The following MED12L variants were observed in gnomAD, a reference collection of about 807,000 sequenced individuals.
MED12L encodes the protein mediator of RNA polymerase II transcription subunit 12-like protein.
In MED12L, 60 loss-of-function variants were observed where a neutral mutation model predicts 281.3. That is an observed-to-expected ratio of 0.21 (90% CI 0.17 to 0.26). The LOEUF is 0.26. Among genes scored for constraint, MED12L ranks in the 10% least tolerant of loss-of-function variants. The probability of loss-of-function intolerance (pLI) is 1.00; values close to 1 mark genes in which losing one functional copy is unlikely to be tolerated. For missense variants in MED12L, 2,146 were observed against 2,680.9 expected (o/e 0.80, Z 4.41); for synonymous variants, 974 against 987.2 (o/e 0.99, Z 0.25).
rs1304824144 is a variant in MED12L at position 151,165,733 on chromosome 3, G to T, written c.1358-113G>T. 8 of 1,157,604 alleles carry T rather than the reference G, an allele frequency of 6.9e-6. No individual in the cohort carries two copies. In the East Asian group the frequency reaches 1.2e-4, roughly 17 times the overall value. The allele number at this position is 1,157,604 out of a possible 1,614,324, so 71.7% of individuals were successfully genotyped here. On this transcript the variant is annotated intron_variant, in intron 10 of 44. Transcript: ENST00000687756. ...ATGATTGTTTGATAACATATGCCAA[G>T]AATGATAATTAAAAAAAAATTCTTT...
At chr3:151,176,737 A>T (rs1722098519) in intron 11 of MED12L, among the ~76,000 whole-genome samples, 1 of 152,310 alleles carries the variant, frequency 6.6e-6, no homozygotes, top group East Asian at 1.9e-4. Flanking sequence ...TTTCAAAATG[A>T]TGCTAAGTGA....
rs559230455 is a variant in MED12L at position 151,418,178 on chromosome 3, C to A, written c.6408+1756C>A. On this transcript the variant is annotated intron_variant, in intron 43 of 44. Transcript: ENST00000687756. ...TTATTATTCTCTCTTTCACTCCCCC[C>A]ACCTACTGCCATTTAAACATACATG... Among the ~76,000 whole-genome samples, 5 of 152,298 alleles carry A rather than the reference C, an allele frequency of 3.3e-5. No individual in the cohort carries two copies. The East Asian group carries it at 7.7e-4, about 23-fold the overall frequency.
chr3:151,224,738 G>A (rs1416532871), intron 16 of MED12L, among the ~76,000 whole-genome samples: 4 of 152,258 alleles, frequency 2.6e-5, no homozygotes, highest in African/African-American at 9.6e-5. Flanking sequence ...CTCAGAAGCT[G>A]TCAGGGACCT....
chr3:151,397,018 T>G (rs1421068440), intron 39 of MED12L, among the ~76,000 whole-genome samples: 1 of 152,242 alleles, frequency 6.6e-6, no homozygotes, highest in Non-Finnish European at 1.5e-5. Context: ...TGTATCCTTT[T>G]GTACCACCGA....
chr3:151,203,692 T>C (rs1284069501), intron 16 of MED12L, among the ~76,000 whole-genome samples: 2 of 152,122 alleles, frequency 1.3e-5, no homozygotes, highest in African/African-American at 2.4e-5. Flanking sequence ...TTATTTTATG[T>C]TCATTATAGA....
At chr3:151,291,150 G>GTTTTTTTTTTTTTTTGTTTTT (rs1744203107) in intron 16 of MED12L, among the ~76,000 whole-genome samples, 1 of 127,556 alleles carries the variant, frequency 7.8e-6, no homozygotes, top group Admixed American at 7.8e-5. Flanking sequence ...CTTGTTTTCT[G>GTTTTTTTTTTTTTTTGTTTTT]TTTTTTTTTT....
At chr3:151,336,988 A>C (rs1281243386) in intron 16 of MED12L, 1 of 152,490 alleles carries the variant, frequency 6.6e-6, no homozygotes, top group Non-Finnish European at 1.5e-5. Context: ...CTAAGGTAAA[A>C]TGTTCATTAA....
chr3:151,379,391 G>A (rs766268027), intron 31 of MED12L, among the ~76,000 whole-genome samples: 6 of 152,168 alleles, frequency 3.9e-5, no homozygotes, highest in South Asian at 2.1e-4. Flanking sequence ...CCAACATGGC[G>A]CTTTGTTTGT....
chr3:151,298,197 G>T (rs565625741), intron 16 of MED12L, among the ~76,000 whole-genome samples: 5 of 152,216 alleles, frequency 3.3e-5, no homozygotes, highest in African/African-American at 1.2e-4. Flanking sequence ...ACGTATAGGT[G>T]TACTCAGAAG....
chr3:151,303,778 AC>A (rs1746272439), intron 16 of MED12L, among the ~76,000 whole-genome samples: 1 of 149,124 alleles, frequency 6.7e-6, no homozygotes, highest in Non-Finnish European at 1.5e-5. Flanking sequence ...AAACAAACAA[AC>A]AAAAAACCCA....
At chr3:151,139,659 G>A (rs569655514) in intron 5 of MED12L, among the ~76,000 whole-genome samples, 3 of 152,294 alleles carry the variant, frequency 2.0e-5, no homozygotes, top group East Asian at 1.9e-4. Flanking sequence ...AGGTCTTGAT[G>A]GGAGGTGAAA....
At chr3:151,148,703 A>G (rs1399033885) in intron 5 of MED12L, among the ~76,000 whole-genome samples, 1 of 152,246 alleles carries the variant, frequency 6.6e-6, no homozygotes, top group African/African-American at 2.4e-5. Context: ...TTTAAAAAAA[A>G]CAATCTCTGT....
At chr3:151,246,216 A>G (rs913218489) in intron 16 of MED12L, among the ~76,000 whole-genome samples, 4 of 152,234 alleles carry the variant, frequency 2.6e-5, no homozygotes, top group African/African-American at 9.7e-5. Flanking sequence ...TATAGATTCA[A>G]TGCCATCCCC....
intron 16 of MED12L, among the ~76,000 whole-genome samples, chr3:151,272,228 A>T (rs1450626277): frequency 5.9e-5 from 9 of 152,232 alleles, no homozygotes; most frequent in Non-Finnish European, 2.9e-5. Flanking sequence ...AGATGCAAAG[A>T]GGTAAATGTT....
chr3:151,098,314 C>T (rs1720980150), intron 2 of MED12L, among the ~76,000 whole-genome samples: 1 of 152,208 alleles, frequency 6.6e-6, no homozygotes. Flanking sequence ...TGGTCCCTGA[C>T]ATTCAGAACT....
At chr3:151,100,875 G>A (rs1413522465) in intron 2 of MED12L, among the ~76,000 whole-genome samples, 1 of 152,182 alleles carries the variant, frequency 6.6e-6, no homozygotes, top group Non-Finnish European at 1.5e-5. Context: ...ATATGGGGGT[G>A]TAGAAAAGAA....
At chr3:151,132,507 A>G (rs1476560791) in intron 5 of MED12L, among the ~76,000 whole-genome samples, 2 of 152,186 alleles carry the variant, frequency 1.3e-5, no homozygotes, top group Admixed American at 1.3e-4. Context: ...CTTTGCTTGG[A>G]ATAGCCTGGA....
chr3:151,337,119 T>C (rs2149921600), intron 16 of MED12L: 1 of 152,262 alleles, frequency 6.6e-6, no homozygotes. Context: ...TATTTCTATA[T>C]TTTTTAGTAT....
At chr3:151,102,704 C>G (rs189186221) in intron 2 of MED12L, among the ~76,000 whole-genome samples, 135 of 152,258 alleles carry the variant, frequency 8.9e-4, no homozygotes, top group Non-Finnish European at 9.3e-4. Context: ...AATTCCTGGA[C>G]AATCAAGTGA....
Sources: gnomAD v4.1 joint callset for allele counts (sites outside exome capture counted in the v4.1 genomes callset) on GRCh38, gnomAD v4.1.1 for gene constraint, MANE v1.5 for transcripts, NCBI Gene and HGNC (gene_info 2026-07-23, HGNC 2026-07-21) for gene names.